STK39: variants seen among roughly 807,000 people sequenced by gnomAD.
The protein encoded by STK39 is STE20/SPS1-related proline-alanine-rich protein kinase.
STK39 carries 20 observed loss-of-function variants against 77.8 expected under a neutral mutation model. That is an observed-to-expected ratio of 0.26 (90% confidence interval 0.18 to 0.37). The LOEUF (loss-of-function observed/expected upper bound fraction) is 0.37. STK39 is among the 10% of genes least tolerant of loss of function. STK39 has a pLI of 1.00. For missense variants in STK39, 479 were observed against 656.5 expected (o/e 0.73, Z 2.95); for synonymous variants, 246 against 234.1 (o/e 1.05, Z -0.47).
intron 10 of STK39, among the ~76,000 whole-genome samples, chr2:168,101,607 G>A (rs777555834): frequency 2.0e-5 from 3 of 151,826 alleles, no homozygotes; most frequent in Non-Finnish European, 4.4e-5. Flanking sequence ...GCATGGTGGC[G>A]TGCACCTATA....
intron 1 of STK39, among the ~76,000 whole-genome samples, chr2:168,211,146 T>A (rs539861214): frequency 6.6e-6 from 1 of 152,240 alleles, no homozygotes; most frequent in South Asian, 2.1e-4. Context: ...GCAAAAAAAA[T>A]TATTAATTAG....
At chr2:167,993,048 T>C (rs1473669311) in intron 16 of STK39, among the ~76,000 whole-genome samples, 4 of 152,224 alleles carry the variant, frequency 2.6e-5, no homozygotes, top group Non-Finnish European at 5.9e-5. Flanking sequence ...ATCTCAATAG[T>C]ACATTTGAAA....
At chr2:168,061,242 C>CAAA (rs35903727) in intron 14 of STK39, among the ~76,000 whole-genome samples, 1 of 124,280 alleles carries the variant, frequency 8.0e-6, no homozygotes. Context: ...GTGTGGATTA[C>CAAA]AAAAAAAAAA....
intron 15 of STK39, among the ~76,000 whole-genome samples, chr2:168,016,387 CAA>C (rs869084308): frequency 0.11 from 7,498 of 65,412 alleles, 156 homozygotes; most frequent in Middle Eastern, 0.14. Context: ...GGCCTTTGTT[CAA>C]AAAAAAAAAA....
At position 168,242,563 on chromosome 2, in the gene STK39, ATATATATATATATAT is replaced by A. The variant is rs1690793198; in HGVS notation, c.208+4650_208+4664del. Among the ~76,000 whole-genome samples the A allele has an allele frequency of 5.4e-4, 31 of 57,890 alleles. 4 individuals carry two copies. Among genetic ancestry groups the A allele is most frequent in the African/African-American group, 2.1e-3 (27 of 12,946 alleles). The allele number at this position is 57,890 out of a possible 152,430, so 38.0% of individuals were successfully genotyped here. A position where few individuals can be genotyped will look rare whatever the true frequency, so the allele number is the denominator to read the frequency against. On this transcript the variant is annotated intron_variant, in intron 1 of 17. Transcript: ENST00000355999. The stretch of plus-strand genomic sequence containing the variant: ...GACTCTTACAAAAAAAAAAAAAAAT[ATATATATATATATAT>A]ATATATATATATATATATAAAGAGG...
chr2:167,980,751 TTG>T (rs1409744265), intron 16 of STK39, among the ~76,000 whole-genome samples: 88 of 103,772 alleles, frequency 8.5e-4, no homozygotes, highest in African/African-American at 3.7e-3. Context: ...TTTCTTGTTG[TTG>T]TTTTTTTTTT....
At chr2:168,139,424 A>ATATATAT (rs1559115953) in intron 7 of STK39, among the ~76,000 whole-genome samples, 2 of 150,456 alleles carry the variant, frequency 1.3e-5, no homozygotes, top group African/African-American at 4.9e-5. Flanking sequence ...ATATATATAT[A>ATATATAT]AAAACAATAA....
chr2:168,196,405 G>A (rs1689470781), intron 1 of STK39, among the ~76,000 whole-genome samples: 1 of 152,218 alleles, frequency 6.6e-6, no homozygotes, highest in African/African-American at 2.4e-5. Context: ...GCTCACGCCT[G>A]TAATCCCAAC....
rs541735519 is a variant in STK39 at position 167,995,181 on chromosome 2, C to T, written c.1498+17453G>A. ...CTGGAGTGCAGTGGTGCAATCTTGT[C>T]TCACTGCAACCTCTGCCTCCCGGGT... On this transcript the variant is annotated intron_variant, in intron 16 of 17. Coordinates refer to ENST00000355999, the MANE Select transcript of STK39 (RefSeq NM_013233.3). Among the ~76,000 whole-genome samples, 4 of 151,994 alleles carry T rather than the reference C, an allele frequency of 2.6e-5. No homozygotes were observed. The South Asian group carries it at 8.3e-4, about 32-fold the overall frequency.
At chr2:167,955,712 A>G in intron 17 of STK39, 142 bp from the exon 18 acceptor site, 1 of 744,584 alleles carries the variant, frequency 1.3e-6, no homozygotes, top group Non-Finnish European at 2.2e-6. Context: ...GAGAGACGCC[A>G]GCCACTCTCT....
chr2:168,090,302 AATG>A, intron 10 of STK39, among the ~76,000 whole-genome samples: 1 of 152,194 alleles, frequency 6.6e-6, no homozygotes, highest in Non-Finnish European at 1.5e-5. Flanking sequence ...TGAATGAATG[AATG>A]AATGAATGAA....
At chr2:168,173,351 T>C (rs1382100962) in intron 2 of STK39, among the ~76,000 whole-genome samples, 1 of 152,158 alleles carries the variant, frequency 6.6e-6, no homozygotes, top group Non-Finnish European at 1.5e-5. Flanking sequence ...TTTAGCAGCA[T>C]TATGAAAGGT....
intron 1 of STK39, among the ~76,000 whole-genome samples, chr2:168,245,519 A>C (rs574767001): frequency 3.3e-5 from 5 of 152,352 alleles, no homozygotes; most frequent in Admixed American, 6.5e-5. Context: ...GCCTTGAAAG[A>C]AGCAGAAGGC....
chr2:168,170,279 T>G (rs546991587), intron 2 of STK39, among the ~76,000 whole-genome samples: 2 of 152,244 alleles, frequency 1.3e-5, no homozygotes, highest in African/African-American at 4.8e-5. Flanking sequence ...ACCGCATTCA[T>G]ATGGTTAGGA....
intron 1 of STK39, among the ~76,000 whole-genome samples, chr2:168,223,525 A>AG (rs1393302324): frequency 4.6e-5 from 7 of 151,378 alleles, no homozygotes; most frequent in East Asian, 1.9e-4. Context: ...AAAAAAAAAA[A>AG]AAAAGAAAAG....
intron 8 of STK39, among the ~76,000 whole-genome samples, chr2:168,137,432 A>T (rs577727734): frequency 6.6e-6 from 1 of 152,332 alleles, no homozygotes; most frequent in African/African-American, 2.4e-5. Flanking sequence ...ATCACTAACC[A>T]GGATATTTCA....
chr2:168,179,103 T>A (rs908375053), intron 2 of STK39, among the ~76,000 whole-genome samples: 1 of 152,150 alleles, frequency 6.6e-6, no homozygotes, highest in Non-Finnish European at 1.5e-5. Context: ...GAGATCCCAG[T>A]GGCCATTGTT....
At chr2:168,118,618 AAAAAAC>A (rs1430628834) in intron 10 of STK39, among the ~76,000 whole-genome samples, 83 of 151,068 alleles carry the variant, frequency 5.5e-4, no homozygotes, top group African/African-American at 1.8e-3. Context: ...AAAAAAAAAA[AAAAAAC>A]AACAACTCAA....
chr2:168,088,831 G>T (rs1482097924), intron 10 of STK39, among the ~76,000 whole-genome samples: 1 of 152,074 alleles, frequency 6.6e-6, no homozygotes, highest in Non-Finnish European at 1.5e-5. Flanking sequence ...CTTCAAGGAG[G>T]CCCAATAAAT....
Sources: gnomAD v4.1 joint callset for allele counts (sites outside exome capture counted in the v4.1 genomes callset) on GRCh38, gnomAD v4.1.1 for gene constraint, MANE v1.5 for transcripts, NCBI Gene and HGNC (gene_info 2026-07-23, HGNC 2026-07-21) for gene names.